The following SHROOM3 variants were observed in gnomAD, a reference collection of about 807,000 sequenced individuals.
SHROOM3 encodes protein Shroom3.
SHROOM3 carries 47 observed loss-of-function variants against 138.6 expected under a neutral mutation model. The ratio of observed to expected loss-of-function variants is 0.34; its 90% CI spans 0.27 to 0.43. The LOEUF (loss-of-function observed/expected upper bound fraction) is 0.43. Among genes scored for constraint, SHROOM3 ranks in the 20% least tolerant of loss-of-function variants. SHROOM3 has a pLI of 1.00. For synonymous variants in SHROOM3, 1,062 were observed against 1,063.3 expected, an observed-to-expected ratio of 1.00 and a Z score of 0.02; for missense variants, 2,491 against 2,596.5, an observed-to-expected ratio of 0.96 and a Z score of 0.88.
intron 2 of SHROOM3, among the ~76,000 whole-genome samples, chr4:76,561,471 C>A (rs1200110814): frequency 6.6e-6 from 1 of 152,028 alleles, no homozygotes; most frequent in Admixed American, 6.6e-5. Flanking sequence ...GGTCTTAAGA[C>A]TTTCAGCCCT....
intron 1 of SHROOM3, among the ~76,000 whole-genome samples, chr4:76,527,508 G>A (rs560363792): frequency 1.6e-4 from 25 of 152,176 alleles, no homozygotes; most frequent in African/African-American, 3.6e-4. Context: ...GCTTGAACCC[G>A]GGAGGTAGAG....
chr4:76,666,224 A>T (rs1405366318), intron 2 of SHROOM3, among the ~76,000 whole-genome samples: 1 of 152,218 alleles, frequency 6.6e-6, no homozygotes, highest in Non-Finnish European at 1.5e-5. Context: ...AGCTGCAGAA[A>T]GTTCTGGCCT....
intron 2 of SHROOM3, among the ~76,000 whole-genome samples, chr4:76,661,234 C>CTTTTTTTTTTTTTTTTTTTT (rs912334272): frequency 2.1e-5 from 3 of 146,026 alleles, no homozygotes; most frequent in Admixed American, 6.8e-5. Context: ...AATCCATTTT[C>CTTTTTTTTTTTTTTTTTTTT]TTTTTTTTTT....
At chr4:76,555,538 CG>C in intron 1 of SHROOM3, 70 bp from the exon 2 acceptor site, 1 of 1,604,994 alleles carries the variant, frequency 6.2e-7, no homozygotes, top group Non-Finnish European at 8.5e-7. Flanking sequence ...AAGCTGGGCT[CG>C]GGATAGCCGG....
intron 3 of SHROOM3, among the ~76,000 whole-genome samples, chr4:76,712,838 C>T (rs1185465460): frequency 1.3e-5 from 2 of 152,112 alleles, no homozygotes; most frequent in Non-Finnish European, 2.9e-5. Context: ...CTTACACAAA[C>T]CTAGATGGTG....
chr4:76,733,536 A>C (rs1414365725), intron 4 of SHROOM3, among the ~76,000 whole-genome samples: 1 of 151,916 alleles, frequency 6.6e-6, no homozygotes, highest in Non-Finnish European at 1.5e-5. Context: ...CAGCACAAAC[A>C]AACCATGCCT....
At chr4:76,536,613 A>T (rs1168594377) in intron 1 of SHROOM3, among the ~76,000 whole-genome samples, 1 of 152,224 alleles carries the variant, frequency 6.6e-6, no homozygotes, top group African/African-American at 2.4e-5. Context: ...TCTGTAAAAT[A>T]AATATAATAA....
At chr4:76,775,321 GGTGTGTGTGT>G (rs57294282) in intron 10 of SHROOM3, among the ~76,000 whole-genome samples, 1 of 149,110 alleles carries the variant, frequency 6.7e-6, no homozygotes, top group African/African-American at 2.5e-5. Context: ...TAGTCCATGG[GGTGTGTGTGT>G]GTGTGTGTGT....
intron 1 of SHROOM3, among the ~76,000 whole-genome samples, chr4:76,494,971 C>CATTT (rs1458912578): frequency 1.3e-5 from 2 of 152,188 alleles, no homozygotes; most frequent in African/African-American, 4.8e-5. Context: ...GAATGCAGAA[C>CATTT]ATTTATTCAG....
chr4:76,511,182 C>CAAAA (rs71659327), intron 1 of SHROOM3, among the ~76,000 whole-genome samples: 9 of 148,210 alleles, frequency 6.1e-5, no homozygotes, highest in Middle Eastern at 3.4e-3. Flanking sequence ...AACTCCATCT[C>CAAAA]AAAAATAATA....
chr4:76,595,490 A>G, intron 2 of SHROOM3, among the ~76,000 whole-genome samples: 1 of 152,254 alleles, frequency 6.6e-6, no homozygotes, highest in East Asian at 1.9e-4. Flanking sequence ...AGCTCCAGGC[A>G]TCACGTCCTC....
Position 76,756,780 on chromosome 4 carries a change from T to C in SHROOM3, c.5041T>C (p.Ser1681Pro), listed in dbSNP as rs973408022. Residue 1681 changes from serine to proline, a missense_variant, in exon 8 of 11, where the codon TCT (serine) becomes CCT (proline). Ser to Pro is a moderately conservative substitution (Grantham distance 74). Around this residue, in one of 4 missense-constraint regions of SHROOM3, gnomAD observed 470 missense variants for 595.0 expected, o/e 0.79. Coordinates refer to ENST00000296043, the MANE Select transcript of SHROOM3 (RefSeq NM_020859.4). The stretch of plus-strand genomic sequence containing the variant: ...CAAGGAAATTGTCCACCAAGACAAA[T>C]CTCTAGCAGACATTTTGGATCCAGA... The part of the protein sequence containing the change: ...LAKEIVHQDK[S>P]LADILDPDSR... The C allele has an allele frequency of 6.2e-7, 1 of 1,614,060 alleles. No individual in the cohort carries two copies. Among genetic ancestry groups the C allele is most frequent in the Non-Finnish European group, 8.5e-7 (1 of 1,180,008 alleles).
At chr4:76,653,957 C>A (rs980954585) in intron 2 of SHROOM3, among the ~76,000 whole-genome samples, 1 of 152,070 alleles carries the variant, frequency 6.6e-6, no homozygotes, top group South Asian at 2.1e-4. Context: ...TGGTTTTTGC[C>A]TTAAATAGAA....
At chr4:76,539,190 T>C (rs1733044383) in intron 1 of SHROOM3, among the ~76,000 whole-genome samples, 2 of 152,192 alleles carry the variant, frequency 1.3e-5, no homozygotes, top group African/African-American at 2.4e-5. Flanking sequence ...CATGTGTGTG[T>C]CAAACTCCAA....
intron 1 of SHROOM3, among the ~76,000 whole-genome samples, chr4:76,493,322 T>A (rs1437615327): frequency 6.6e-6 from 1 of 152,008 alleles, no homozygotes; most frequent in Non-Finnish European, 1.5e-5. Context: ...ACATTGCATG[T>A]GGTATATTTA....
At position 76,643,908 on chromosome 4, in the gene SHROOM3, G is replaced by A. The variant is rs542235244; in HGVS notation, c.324-66248G>A. ...TGCCCAGGCTGGAGCGTAATGGCAC[G>A]TTCTCAGCTCACTGCAACCTCGATT... is the stretch of plus-strand genomic sequence containing the variant. On this transcript the variant is annotated intron_variant, in intron 2 of 10. Transcript: ENST00000296043. 1.3e-4 allele frequency among the ~76,000 whole-genome samples: 19 copies of A among 148,762 alleles called. No homozygotes were observed. In the East Asian group the frequency reaches 2.9e-3, roughly 23 times the overall value.
chr4:76,641,683 G>C (rs1446293244), intron 2 of SHROOM3, among the ~76,000 whole-genome samples: 1 of 152,192 alleles, frequency 6.6e-6, no homozygotes, highest in African/African-American at 2.4e-5. Flanking sequence ...TCTTGAGCTT[G>C]CTTCTGAAGG....
intron 1 of SHROOM3, among the ~76,000 whole-genome samples, chr4:76,543,446 ATTTG>A (rs1733148709): frequency 6.6e-6 from 1 of 152,136 alleles, no homozygotes; most frequent in Admixed American, 6.5e-5. Flanking sequence ...TTGAGTTTTT[ATTTG>A]TTTGTTTCAT....
rs376685762 is a variant in SHROOM3 at position 76,750,779 on chromosome 4, GA to G, written c.3827+1692del. ...CAGGTGGCAATTTTGTGGGGAGGGG[GA>G]AATCTTCCTCAACAAAATTAGTTCT... On this transcript the variant is annotated intron_variant, in intron 6 of 10. Coordinates refer to ENST00000296043, the MANE Select transcript of SHROOM3 (RefSeq NM_020859.4). Among the ~76,000 whole-genome samples, 567 of 150,566 alleles carry G rather than the reference GA, an allele frequency of 3.8e-3. 4 individuals are homozygous for G. Among genetic ancestry groups the G allele is most frequent in the African/African-American group, 0.013 (520 of 40,940 alleles).
Sources: allele counts gnomAD v4.1 joint callset (sites outside exome capture counted in the v4.1 genomes callset), GRCh38; gene constraint gnomAD v4.1.1; regional missense constraint gnomAD v4.1.1; transcripts MANE v1.5; gene names NCBI Gene and HGNC (gene_info 2026-07-23, HGNC 2026-07-21).